The following OGFOD1 variants were observed in gnomAD, a reference collection of about 807,000 sequenced individuals.
OGFOD1 encodes prolyl 3-hydroxylase OGFOD1.
In OGFOD1, 54 loss-of-function variants were observed where a neutral mutation model predicts 67.7. The ratio of observed to expected loss-of-function variants is 0.80; its 90% CI spans 0.64 to 1.00. The LOEUF is 1.00. Ranked by LOEUF, OGFOD1 falls within the 50% of genes least tolerant of loss-of-function variation. The probability of loss-of-function intolerance (pLI) is 0.00; values close to 1 mark genes in which losing one functional copy is unlikely to be tolerated. For synonymous variants in OGFOD1, 221 were observed against 227.0 expected, an observed-to-expected ratio of 0.97 and a Z score of 0.24; for missense variants, 606 against 646.7, an observed-to-expected ratio of 0.94 and a Z score of 0.68.
intron 11 of OGFOD1, among the ~76,000 whole-genome samples, chr16:56,475,182 C>T (rs1417140748): frequency 6.6e-6 from 1 of 152,182 alleles, no homozygotes; most frequent in Non-Finnish European, 1.5e-5. Context: ...CCATAATTTT[C>T]CCCTAAGTGT....
chr16:56,464,492 A>G (rs536154154), intron 4 of OGFOD1, among the ~76,000 whole-genome samples: 2 of 152,224 alleles, frequency 1.3e-5, no homozygotes, highest in Non-Finnish European at 2.9e-5. Context: ...TGGTGATTTT[A>G]TAACACAATC....
chr16:56,451,620 G>C lies in OGFOD1; in HGVS notation c.8G>C (p.Gly3Ala). ...TCTGTGCCTTGGGAAGAGATGAATG[G>C]GAAGCGGCCAGCGGAGCCCGGCCCA... MN[G>A]KRPAEPGPAR... The change falls in exon 1 of 13, where the codon GGG becomes GCG. Residue 3 changes from glycine (G) to alanine (A), a missense_variant. By Grantham distance (60) the Gly-to-Ala change is moderately conservative. Coordinates refer to ENST00000566157, the MANE Select transcript of OGFOD1 (RefSeq NM_018233.4). The C allele has an allele frequency of 1.9e-6, 3 of 1,613,756 alleles. No homozygotes were observed. The highest frequency in any genetic ancestry group is 1.3e-5 in the African/African-American group (1 of 75,060).
intron 4 of OGFOD1, 79 bp downstream of exon 4, chr16:56,462,713 C>T: frequency 1.2e-6 from 1 of 832,692 alleles, no homozygotes; most frequent in Non-Finnish European, 2.0e-6. Flanking sequence ...TATCTGTGTA[C>T]CAAAACACTC....
At chr16:56,466,602 C>A (rs781264776) in intron 5 of OGFOD1, among the ~76,000 whole-genome samples, 2 of 152,170 alleles carry the variant, frequency 1.3e-5, no homozygotes, top group African/African-American at 2.4e-5. Context: ...TTGACAAAGT[C>A]TAGGTTTTTT....
chr16:56,473,114 T>A (rs1171820606), intron 10 of OGFOD1, among the ~76,000 whole-genome samples: 4 of 152,096 alleles, frequency 2.6e-5, no homozygotes, highest in African/African-American at 9.7e-5. Context: ...GTATTTTTAG[T>A]AGAGACGGGG....
At chr16:56,462,713 C>A in intron 4 of OGFOD1, 79 bp downstream of exon 4, 1 of 832,690 alleles carries the variant, frequency 1.2e-6, no homozygotes, top group Non-Finnish European at 2.0e-6. Context: ...TATCTGTGTA[C>A]CAAAACACTC....
chr16:56,470,804 T>G lies in OGFOD1; in HGVS notation c.1285+13T>G. 6.4e-7 allele frequency: 1 copy of G among 1,566,808 alleles called. No homozygotes were observed. Among genetic ancestry groups the G allele is most frequent in the Non-Finnish European group, 8.6e-7 (1 of 1,158,614 alleles). ...GAAACAAAGAAAGGTAAGCTGTTGT[T>G]AGGATTTGTCCTTACTTACCATTAA... On this transcript the variant is annotated intron_variant, in intron 10 of 12. Coordinates refer to ENST00000566157, the MANE Select transcript of OGFOD1 (RefSeq NM_018233.4).
intron 1 of OGFOD1, among the ~76,000 whole-genome samples, chr16:56,452,621 A>C (rs1008014944): frequency 6.6e-6 from 1 of 152,158 alleles, no homozygotes; most frequent in Non-Finnish European, 1.5e-5. Context: ...CTGTACTCTC[A>C]GTTTCTTCAT....
intron 1 of OGFOD1, among the ~76,000 whole-genome samples, chr16:56,452,459 C>T (rs1258815095): frequency 6.6e-6 from 1 of 152,198 alleles, no homozygotes; most frequent in Non-Finnish European, 1.5e-5. Flanking sequence ...TAAATATCAC[C>T]TTAGGTGTTC....
Position 56,462,614 on chromosome 16 carries a change from G to A in OGFOD1, c.428G>A (p.Cys143Tyr), listed in dbSNP as rs1484399575. The A allele has an allele frequency of 6.2e-7, 1 of 1,606,616 alleles. No individual in the cohort carries two copies. Among genetic ancestry groups the A allele is most frequent in the African/African-American group, 1.3e-5 (1 of 74,872 alleles). Reference protein sequence around the residue: ...IDLESTIDMSCAKYEFTDALL... With the variant: ...IDLESTIDMSYAKYEFTDALL... ...CTGGAATCAACCATTGACATGTCCTGTGCTAAATATGAATTCACTGGTAAG... is the reference window on the plus strand; with the variant it reads ...CTGGAATCAACCATTGACATGTCCTATGCTAAATATGAATTCACTGGTAAG... Residue 143 changes from cysteine (C) to tyrosine (Y), a missense_variant, in exon 4 of 13, where the codon TGT becomes TAT. Transcript: ENST00000566157.
intron 1 of OGFOD1, 121 bp from the exon 2 acceptor site, chr16:56,453,142 C>CT: frequency 2.1e-6 from 2 of 964,376 alleles, no homozygotes; most frequent in Non-Finnish European, 3.1e-6. Context: ...AAATCTTAGA[C>CT]TTTAAGTATT....
intron 3 of OGFOD1, among the ~76,000 whole-genome samples, chr16:56,461,412 A>G (rs1354653514): frequency 6.6e-6 from 1 of 152,208 alleles, no homozygotes; most frequent in African/African-American, 2.4e-5. Flanking sequence ...ACCTCACCCT[A>G]TACATCCCTT....
intron 10 of OGFOD1, among the ~76,000 whole-genome samples, chr16:56,471,718 A>G (rs530921103): frequency 1.3e-5 from 2 of 152,376 alleles, no homozygotes; most frequent in East Asian, 3.9e-4. Context: ...AACATAACTC[A>G]TTCTGTGGCC....
Position 56,476,930 on chromosome 16 carries a change from G to C in OGFOD1, c.*725G>C, listed in dbSNP as rs111625702. On this transcript the variant is annotated 3_prime_UTR_variant, in exon 13 of 13. Transcript: ENST00000566157. ...GGATCACCTGAGGTCAGGAGTTAAA[G>C]ACCAGCCTGACAAACATGGAGAAAC... is the stretch of plus-strand genomic sequence containing the variant. The C allele has an allele frequency of 0.039, 5,999 of 152,360 alleles. 149 individuals are homozygous for C. Among genetic ancestry groups the C allele is most frequent in the East Asian group, 0.13 (658 of 5,178 alleles). 9.4% of individuals were successfully genotyped at this position (152,360 alleles called of 1,614,324 possible). A position where few individuals can be genotyped will look rare whatever the true frequency, so the allele number is the denominator to read the frequency against.
chr16:56,461,177 C>G (rs1962698665), intron 3 of OGFOD1, among the ~76,000 whole-genome samples: 1 of 152,182 alleles, frequency 6.6e-6, no homozygotes, highest in Non-Finnish European at 1.5e-5. Flanking sequence ...TGGTCTTGGT[C>G]TCTATTCCTG....
In OGFOD1 at chr16:56,470,747, A is replaced by T; in HGVS notation, c.1241A>T (p.Asn414Ile). 1 of 1,612,616 alleles carries T rather than the reference A, an allele frequency of 6.2e-7. No individual in the cohort carries two copies. The highest frequency in any genetic ancestry group is 8.5e-7 in the Non-Finnish European group (1 of 1,179,416). The change falls in exon 10 of 13, where the codon AAT (asparagine) becomes ATT (isoleucine). Residue 414 changes from asparagine to isoleucine, a missense_variant. Physicochemically the swap from Asn to Ile is moderately radical, Grantham distance 149 (BLOSUM62 -3). Transcript: ENST00000566157. Reference protein sequence around the residue: ...MAISNNSQQSNEQTDPEPEEN... With the variant: ...MAISNNSQQSIEQTDPEPEEN... ...ATCAGCAACAACAGCCAACAGAGCA[A>T]TGAGCAGACAGACCCAGAGCCAGAG...
chr16:56,456,906 C>T (rs1413056044), intron 2 of OGFOD1, among the ~76,000 whole-genome samples: 2 of 152,150 alleles, frequency 1.3e-5, no homozygotes, highest in African/African-American at 4.8e-5. Flanking sequence ...AAATGACATA[C>T]CACTGTATAT....
At chr16:56,468,986 A>T (rs1475083119) in intron 8 of OGFOD1, among the ~76,000 whole-genome samples, 2 of 151,978 alleles carry the variant, frequency 1.3e-5, no homozygotes, top group Non-Finnish European at 2.9e-5. Context: ...AAAGGTTGAG[A>T]CTCTACATCC....
rs756829888 is a variant in OGFOD1, at chr16:56,470,582, A to G, written c.1076A>G (p.Asn359Ser). The G allele has an allele frequency of 8.7e-6, 14 of 1,614,090 alleles. No homozygotes were observed. The highest frequency in any genetic ancestry group is 1.7e-5 in the Admixed American group (1 of 60,006). Residue 359 changes from asparagine to serine, a missense_variant, in exon 10 of 13, where the codon AAC becomes AGC. Physicochemically the swap from Asn to Ser is conservative, Grantham distance 46. Transcript: ENST00000566157. ...RSEALFLLLSNFTGLKLHFLA... is the reference protein window; with the variant it reads ...RSEALFLLLSSFTGLKLHFLA... ...GAGGCACTATTCTTGCTGCTCTCCA[A>G]CTTCACAGGCCTGAAGCTTCATTTC...
Sources: allele counts gnomAD v4.1 joint callset (sites outside exome capture counted in the v4.1 genomes callset), GRCh38; gene constraint gnomAD v4.1.1; transcripts MANE v1.5; gene names NCBI Gene and HGNC (gene_info 2026-07-23, HGNC 2026-07-21).